AGAP1: variants seen among roughly 807,000 people sequenced by gnomAD.
AGAP1 encodes the protein ArfGAP with GTPase domain, ankyrin repeat and PH domain 1, also known as arf-GAP with GTPase, ANK repeat and PH domain-containing protein 1.
A neutral mutation model predicts 105.3 loss-of-function variants in AGAP1; 29 were observed. The observed-to-expected ratio is 0.28, with a 90% CI of 0.21 to 0.38. AGAP1 has a LOEUF of 0.38. AGAP1 is among the 10% of genes least tolerant of loss of function. The pLI is 1.00. For synonymous variants in AGAP1, 509 were observed against 485.9 expected (o/e 1.05, Z -0.63); for missense variants, 998 against 1,165.1 (o/e 0.86, Z 2.09).
chr2:236,039,165 C>G (rs1383119718), intron 14 of AGAP1, among the ~76,000 whole-genome samples: 1 of 152,080 alleles, frequency 6.6e-6, no homozygotes, highest in Admixed American at 6.5e-5. Context: ...TACATATCAG[C>G]CAGACACGAT....
rs1948035606 is a variant in AGAP1 at position 235,663,710 on chromosome 2, C to T, written c.164-45469C>T. 6.6e-6 allele frequency among the ~76,000 whole-genome samples: 1 copy of T among 152,172 alleles called. No homozygotes were observed. Among genetic ancestry groups the T allele is most frequent in the African/African-American group, 2.4e-5 (1 of 41,440 alleles). ...TCAAACATATTTAGGTCATTGTTCT[C>T]TGACAGTTCGTGATATTCGTTCCTA... On this transcript the variant is annotated intron_variant, in intron 1 of 17. Coordinates refer to ENST00000304032, the MANE Select transcript of AGAP1 (RefSeq NM_001037131.3). This position sits in a 1 kb window ranked among gnomAD's most constrained non-coding sequence, Gnocchi z 5.4.
intron 11 of AGAP1, among the ~76,000 whole-genome samples, chr2:235,920,602 C>G: frequency 6.6e-6 from 1 of 152,132 alleles, no homozygotes; most frequent in East Asian, 1.9e-4. Flanking sequence ...GGTGGGTGTT[C>G]AGTAAGTACT....
In AGAP1 at chr2:235,566,291, A is replaced by T. The variant is rs563269224; in HGVS notation, c.163+71442A>T. On this transcript the variant is annotated intron_variant, in intron 1 of 17. Coordinates refer to ENST00000304032, the MANE Select transcript of AGAP1 (RefSeq NM_001037131.3). This position sits in a 1 kb window ranked among gnomAD's most constrained non-coding sequence, Gnocchi z 5.2. ...TTTTTAGTACAGACGGAGTTTCTCC[A>T]TGTTTGTCAGGCTGGTCTCGAACTG... is the stretch of plus-strand genomic sequence containing the variant. Among the ~76,000 whole-genome samples, 1 of 152,054 alleles carries T rather than the reference A, an allele frequency of 6.6e-6. No individual in the cohort carries two copies. Among genetic ancestry groups the T allele is most frequent in the Non-Finnish European group, 1.5e-5 (1 of 68,008 alleles).
At chr2:235,997,394 G>C (rs1413377049) in intron 13 of AGAP1, among the ~76,000 whole-genome samples, 4 of 152,286 alleles carry the variant, frequency 2.6e-5, no homozygotes, top group East Asian at 1.9e-4. Context: ...GCCTAATGAA[G>C]ATCTTTTAAA....
At chr2:235,676,437 T>G (rs539238538) in intron 1 of AGAP1, among the ~76,000 whole-genome samples, 2 of 152,282 alleles carry the variant, frequency 1.3e-5, no homozygotes, top group South Asian at 4.2e-4. Flanking sequence ...GGGAGTGAAT[T>G]GAATGTTCTT....
chr2:235,658,265 A>G (rs1000131365), intron 1 of AGAP1, among the ~76,000 whole-genome samples: 2 of 152,088 alleles, frequency 1.3e-5, no homozygotes, highest in Non-Finnish European at 2.9e-5. Flanking sequence ...AATGTCTTCT[A>G]TTACCAGCTT....
rs944714906 is a variant in AGAP1 at position 235,874,045 on chromosome 2, TTTTTG to T, written c.1051-9285_1051-9281del. ...CGCCCAGCCCAGAACCGCATTCTGT[TTTTTG>T]TTTTGTTTTGTTTTTGTTTTTGTTT... On this transcript the variant is annotated intron_variant, in intron 9 of 17. Coordinates refer to ENST00000304032, the MANE Select transcript of AGAP1 (RefSeq NM_001037131.3). This position sits in a 1 kb window ranked among gnomAD's most constrained non-coding sequence, Gnocchi z 4.5. Among the ~76,000 whole-genome samples, 7 of 148,718 alleles carry T rather than the reference TTTTTG, an allele frequency of 4.7e-5. No individual in the cohort carries two copies. Among genetic ancestry groups the T allele is most frequent in the African/African-American group, 1.2e-4 (5 of 40,148 alleles).
In AGAP1 at chr2:235,994,427, G is replaced by T. The variant is rs781063992; in HGVS notation, c.1645+25804G>T. ...TTCTTCTCACGTAACAACTTTCTTA[G>T]TGCTTGTACTTGTGTGCCTCTTGGA... On this transcript the variant is annotated intron_variant, in intron 13 of 17. Transcript: ENST00000304032. This position sits in a 1 kb window ranked among gnomAD's most constrained non-coding sequence, Gnocchi z 4.4. Among the ~76,000 whole-genome samples the T allele has an allele frequency of 6.6e-6, 1 of 152,148 alleles. No individual in the cohort carries two copies. Among genetic ancestry groups the T allele is most frequent in the African/African-American group, 2.4e-5 (1 of 41,432 alleles).
At chr2:235,763,057 TGCGCGCGCGCGCACACGTGCACCTGCC>T (rs146939512) in intron 6 of AGAP1, among the ~76,000 whole-genome samples, 20 of 107,108 alleles carry the variant, frequency 1.9e-4, no homozygotes, top group East Asian at 1.3e-3. Context: ...TGTGTATGTG[TGCGCGCGCGCGCACACGTGCACCTGCC>T]GTGTTTGAAA....
At chr2:235,841,358 C>G (rs1054243359) in intron 9 of AGAP1, among the ~76,000 whole-genome samples, 1 of 152,158 alleles carries the variant, frequency 6.6e-6, no homozygotes, top group Admixed American at 6.5e-5. Context: ...GGGCCTGATG[C>G]GGTGGCTCAC....
At chr2:235,854,154 C>T (rs2048589026) in intron 9 of AGAP1, among the ~76,000 whole-genome samples, 1 of 152,128 alleles carries the variant, frequency 6.6e-6, no homozygotes, top group Non-Finnish European at 1.5e-5. Context: ...CTCAGCCTCC[C>T]CTTGTCTTCC....
chr2:235,933,850 T>C (rs1384712440), intron 12 of AGAP1, among the ~76,000 whole-genome samples: 5 of 152,162 alleles, frequency 3.3e-5, no homozygotes, highest in Non-Finnish European at 7.3e-5. Flanking sequence ...ATTAATAGTA[T>C]GTCATACCGG....
intron 6 of AGAP1, among the ~76,000 whole-genome samples, chr2:235,782,277 T>G (rs1956313989): frequency 6.6e-6 from 1 of 152,122 alleles, no homozygotes; most frequent in African/African-American, 2.4e-5. Context: ...TTGTATTTTT[T>G]CCATCAAAAG....
At chr2:236,097,745 G>A (rs1434577718) in intron 16 of AGAP1, among the ~76,000 whole-genome samples, 2 of 152,000 alleles carry the variant, frequency 1.3e-5, no homozygotes, top group South Asian at 2.1e-4. Flanking sequence ...ACATTGCTGC[G>A]CAACCATCAC....
At position 235,874,262 on chromosome 2, in the gene AGAP1, G is replaced by C. The variant is rs1446626761; in HGVS notation, c.1051-9083G>C. 6.6e-6 allele frequency among the ~76,000 whole-genome samples: 1 copy of C among 151,568 alleles called. No individual in the cohort carries two copies. The highest frequency in any genetic ancestry group is 6.6e-5 in the Admixed American group (1 of 15,216). Reference sequence around the variant, plus strand: ...GACGGGGTTTCACCATGTTTACCGGGATGGTCTCGATCTCCTGACCTTGTG... The same window carrying C: ...GACGGGGTTTCACCATGTTTACCGGCATGGTCTCGATCTCCTGACCTTGTG... On this transcript the variant is annotated intron_variant, in intron 9 of 17. Coordinates refer to ENST00000304032, the MANE Select transcript of AGAP1 (RefSeq NM_001037131.3). This position sits in a 1 kb window ranked among gnomAD's most constrained non-coding sequence, Gnocchi z 4.5.
rs1316150892 is a variant in AGAP1 at position 235,623,519 on chromosome 2, A to C, written c.164-85660A>C. On this transcript the variant is annotated intron_variant, in intron 1 of 17. Transcript: ENST00000304032. The surrounding 1 kb of genome is among the most constrained non-coding windows in gnomAD (Gnocchi z 4.5). ...TTTGTTTCAGCCCCTCTTGCTGAGC[A>C]CTTCTCTCTTCCTGTTCCTGTGCTG... is the stretch of plus-strand genomic sequence containing the variant. Among the ~76,000 whole-genome samples the C allele has an allele frequency of 6.6e-6, 1 of 152,090 alleles. No individual in the cohort carries two copies. Among genetic ancestry groups the C allele is most frequent in the Non-Finnish European group, 1.5e-5 (1 of 68,020 alleles).
rs1951017994 is a variant in AGAP1 at position 235,714,797 on chromosome 2, T to G, written c.223-2760T>G. Among the ~76,000 whole-genome samples the G allele has an allele frequency of 6.6e-6, 1 of 152,086 alleles. No individual in the cohort carries two copies. Among genetic ancestry groups the G allele is most frequent in the South Asian group, 2.1e-4 (1 of 4,828 alleles). ...TATGTTTGTTTGTTTTCTTTTTTGTTGTTGTTTTTGTTTTGTTTTGAGACA... is the reference window on the plus strand; with the variant it reads ...TATGTTTGTTTGTTTTCTTTTTTGTGGTTGTTTTTGTTTTGTTTTGAGACA... On this transcript the variant is annotated intron_variant, in intron 2 of 17. Coordinates refer to ENST00000304032, the MANE Select transcript of AGAP1 (RefSeq NM_001037131.3). The surrounding 1 kb of genome is among the most constrained non-coding windows in gnomAD (Gnocchi z 4.1).
chr2:236,048,118 T>A lies in AGAP1; in HGVS notation c.1892-941T>A, dbSNP rs1157522052. Among the ~76,000 whole-genome samples the A allele has an allele frequency of 7.2e-5, 11 of 152,240 alleles. No homozygotes were observed. The East Asian group carries it at 1.9e-3, about 27-fold the overall frequency. On this transcript the variant is annotated intron_variant, in intron 15 of 17. Transcript: ENST00000304032. ...TCTTCAGGTGTGTCCAGAGTAAGCA[T>A]TGCCTATTCCCAGGTGAGTAAGCCG...
rs1047910290 is a variant in AGAP1 at position 236,096,238 on chromosome 2, C to T, written c.2115-23954C>T. Reference sequence around the variant, plus strand: ...AATGTCAGCCAGGCACAGTGGCTCACGCCTGTAATCCCAGCACTTCGGGAG... The same window carrying T: ...AATGTCAGCCAGGCACAGTGGCTCATGCCTGTAATCCCAGCACTTCGGGAG... On this transcript the variant is annotated intron_variant, in intron 16 of 17. Transcript: ENST00000304032. This position sits in a 1 kb window ranked among gnomAD's most constrained non-coding sequence, Gnocchi z 4.4. 3.3e-5 allele frequency among the ~76,000 whole-genome samples: 5 copies of T among 152,172 alleles called. No homozygotes were observed. The highest frequency in any genetic ancestry group is 4.8e-5 in the African/African-American group (2 of 41,452).
Sources: allele counts gnomAD v4.1 joint callset (sites outside exome capture counted in the v4.1 genomes callset), GRCh38; gene constraint gnomAD v4.1.1; non-coding constraint Gnocchi (gnomAD v3.1); transcripts MANE v1.5; gene names NCBI Gene and HGNC (gene_info 2026-07-23, HGNC 2026-07-21).